Variants in SMARCAL1 observed in about 807,000 individuals in gnomAD.
SMARCAL1 encodes ATP-driven annealing helicase.
In SMARCAL1, 58 loss-of-function variants were observed where a neutral mutation model predicts 94.5. The observed-to-expected ratio is 0.61, with a 90% CI of 0.50 to 0.76. The LOEUF is 0.76. Ranked by LOEUF, SMARCAL1 falls within the 30% of genes least tolerant of loss-of-function variation. SMARCAL1 has a pLI of 0.00. For missense variants in SMARCAL1, 1,051 were observed against 1,177.9 expected (o/e 0.89, Z 1.58); for synonymous variants, 422 against 455.1 (o/e 0.93, Z 0.93).
chr2:216,456,238 C>T (rs541127903), intron 12 of SMARCAL1, among the ~76,000 whole-genome samples: 22 of 152,232 alleles, frequency 1.4e-4, no homozygotes, highest in South Asian at 2.1e-4. Context: ...CTGAAAGTGA[C>T]GGGGAGAATG....
At chr2:216,451,815 A>G (rs779198424) in intron 12 of SMARCAL1, among the ~76,000 whole-genome samples, 5 of 152,262 alleles carry the variant, frequency 3.3e-5, no homozygotes, top group East Asian at 1.9e-4. Flanking sequence ...GTCCTCTTAG[A>G]TAAAACCTTG....
At chr2:216,477,239 G>A in intron 16 of SMARCAL1, 30 bp downstream of exon 16, 1 of 1,484,978 alleles carries the variant, frequency 6.7e-7, no homozygotes, top group Non-Finnish European at 9.2e-7. Context: ...CCTGGCAGTT[G>A]GAGTCGAGCA....
intron 10 of SMARCAL1, among the ~76,000 whole-genome samples, chr2:216,441,400 G>A (rs1358680458): frequency 6.6e-6 from 1 of 152,118 alleles, no homozygotes; most frequent in Admixed American, 6.5e-5. Context: ...ATATATGAAA[G>A]TAGACCAGAT....
At chr2:216,426,875 C>A (rs1161651887) in intron 6 of SMARCAL1, among the ~76,000 whole-genome samples, 1 of 152,170 alleles carries the variant, frequency 6.6e-6, no homozygotes, top group Non-Finnish European at 1.5e-5. Context: ...AGTTAGTGAA[C>A]GTGTGCATAG....
At chr2:216,432,274 A>G (rs989085756) in intron 7 of SMARCAL1, among the ~76,000 whole-genome samples, 3 of 152,056 alleles carry the variant, frequency 2.0e-5, no homozygotes, top group Non-Finnish European at 4.4e-5. Flanking sequence ...GATTACAGGC[A>G]TGAGCCACCG....
At chr2:216,449,378 C>CTT (rs968321901) in intron 11 of SMARCAL1, among the ~76,000 whole-genome samples, 1 of 144,468 alleles carries the variant, frequency 6.9e-6, no homozygotes, top group African/African-American at 2.5e-5. Flanking sequence ...CCAGGGCTGC[C>CTT]TTTTTTTTTT....
intron 12 of SMARCAL1, among the ~76,000 whole-genome samples, chr2:216,461,672 C>G (rs526870): frequency 4.6e-5 from 7 of 151,848 alleles, no homozygotes; most frequent in African/African-American, 1.2e-4. Flanking sequence ...TACAAAAAAT[C>G]CAAAAAAATT....
intron 12 of SMARCAL1, among the ~76,000 whole-genome samples, chr2:216,456,725 AG>A (rs1485359801): frequency 1.3e-5 from 2 of 152,270 alleles, no homozygotes; most frequent in African/African-American, 4.8e-5. Flanking sequence ...AACCAGTATC[AG>A]CCACTGCAAA....
intron 15 of SMARCAL1, among the ~76,000 whole-genome samples, chr2:216,476,265 G>A (rs1484993664): frequency 6.6e-6 from 1 of 151,888 alleles, no homozygotes; most frequent in African/African-American, 2.4e-5. Flanking sequence ...GGTAGACCTT[G>A]AGGGTGTAGC....
intron 4 of SMARCAL1, among the ~76,000 whole-genome samples, chr2:216,418,985 A>G (rs936715868): frequency 3.9e-5 from 6 of 152,208 alleles, no homozygotes; most frequent in African/African-American, 1.2e-4. Flanking sequence ...TGAATGTGTC[A>G]TACATTGCTT....
chr2:216,460,413 A>C (rs1294873280), intron 12 of SMARCAL1, among the ~76,000 whole-genome samples: 2 of 152,184 alleles, frequency 1.3e-5, no homozygotes, highest in Non-Finnish European at 2.9e-5. Context: ...ACTATTCACA[A>C]TAGCAAACAC....
In SMARCAL1 at chr2:216,432,733, A is replaced by C; in HGVS notation, c.1350A>C (p.Lys450Asn). ...QRAGVNFAIA[K>N]GGRLLLADDM... ...CTGCCTTCAGTTTTGCCATAGCCAA[A>C]GGAGGCCGCCTGCTGCTCGCTGACG... The change falls in exon 8 of 18, where the codon AAA becomes AAC. Residue 450 changes from lysine (K) to asparagine (N), a missense_variant. Lys to Asn is a moderately conservative substitution (Grantham distance 94). Coordinates refer to ENST00000357276, the MANE Select transcript of SMARCAL1 (RefSeq NM_014140.4). 2 of 1,614,164 alleles carry C rather than the reference A, an allele frequency of 1.2e-6. No individual in the cohort carries two copies. Among genetic ancestry groups the C allele is most frequent in the Non-Finnish European group, 1.7e-6 (2 of 1,180,038 alleles).
chr2:216,428,911 T>C (rs1303490043), intron 7 of SMARCAL1, 129 bp downstream of exon 7: 2 of 875,604 alleles, frequency 2.3e-6, no homozygotes, highest in African/African-American at 3.3e-5. Flanking sequence ...TAGAAGAGTC[T>C]AGGCATTAAA....
At chr2:216,415,554 CT>C in intron 3 of SMARCAL1, 39 bp downstream of exon 3, 1 of 1,141,144 alleles carries the variant, frequency 8.8e-7, no homozygotes, top group African/African-American at 2.0e-5. Context: ...TTTTTTTTTT[CT>C]TATTTTTGGA....
At chr2:216,426,190 G>A (rs1251222048) in intron 6 of SMARCAL1, among the ~76,000 whole-genome samples, 1 of 152,234 alleles carries the variant, frequency 6.6e-6, no homozygotes, top group African/African-American at 2.4e-5. Flanking sequence ...AAGAAAAATA[G>A]AAGTGAGTTC....
chr2:216,442,958 A>G (rs968392033), intron 10 of SMARCAL1, among the ~76,000 whole-genome samples: 12 of 152,190 alleles, frequency 7.9e-5, no homozygotes, highest in Non-Finnish European at 1.5e-4. Context: ...TGATGAGGCT[A>G]TAGAAGTCCC....
chr2:216,415,754 C>G (rs568795188), intron 3 of SMARCAL1, among the ~76,000 whole-genome samples: 2 of 152,168 alleles, frequency 1.3e-5, no homozygotes, highest in African/African-American at 2.4e-5. Flanking sequence ...ACTGAGAAGA[C>G]GCTTCCTCTG....
chr2:216,438,469 C>T lies in SMARCAL1; in HGVS notation c.1694C>T (p.Ala565Val), dbSNP rs1213751405. 1.2e-6 allele frequency: 2 copies of T among 1,613,970 alleles called. No homozygotes were observed. The highest frequency in any genetic ancestry group is 1.7e-6 in the Non-Finnish European group (2 of 1,179,902). Residue 565 changes from alanine (A) to valine (V), a missense_variant, in exon 10 of 18, where the codon GCT (alanine) becomes GTT (valine). Around this residue, in one of 3 missense-constraint regions of SMARCAL1, gnomAD observed 642 missense variants for 754.7 expected, o/e 0.85. Transcript: ENST00000357276. ...KNSRTARCRA[A>V]MPVLKVAKRV... ...AGTAGGACTGCCCGCTGTCGAGCAG[C>T]TATGCCGGTCCTAAAGGTGAGTACT... is the stretch of plus-strand genomic sequence containing the variant.
At position 216,417,862 on chromosome 2, in the gene SMARCAL1, G is replaced by A. The variant is rs187703337; in HGVS notation, c.862+1555G>A. ...GTCTTTTTACTCTTGTTCTGACCAC[G>A]GTGCATGGTGACTTAGATGACTTCT... is the stretch of plus-strand genomic sequence containing the variant. On this transcript the variant is annotated intron_variant, in intron 4 of 17. Transcript: ENST00000357276. Among the ~76,000 whole-genome samples the A allele has an allele frequency of 3.0e-4, 46 of 152,226 alleles. No individual in the cohort carries two copies. The East Asian group carries it at 8.5e-3, about 28-fold the overall frequency.
Sources: gnomAD v4.1 joint callset for allele counts (sites outside exome capture counted in the v4.1 genomes callset) on GRCh38, gnomAD v4.1.1 for gene constraint, gnomAD v4.1.1 regional missense constraint, MANE v1.5 for transcripts, NCBI Gene and HGNC (gene_info 2026-07-23, HGNC 2026-07-21) for gene names.